The following THSD7B variants were observed in gnomAD, a reference collection of about 807,000 sequenced individuals.
THSD7B encodes thrombospondin type 1 domain containing 7B, also known as thrombospondin type-1 domain-containing protein 7B.
In THSD7B, 138 loss-of-function variants were observed where a neutral mutation model predicts 213.6. The ratio of observed to expected loss-of-function variants is 0.65; its 90% CI spans 0.56 to 0.74. The LOEUF (loss-of-function observed/expected upper bound fraction) is 0.74. Among genes scored for constraint, THSD7B ranks in the 30% least tolerant of loss-of-function variants. The pLI, the probability that THSD7B is intolerant of heterozygous loss-of-function variation, is 0.00. For synonymous variants in THSD7B, 742 were observed against 687.0 expected, an observed-to-expected ratio of 1.08 and a Z score of -1.25; for missense variants, 1,931 against 1,991.5, an observed-to-expected ratio of 0.97 and a Z score of 0.58.
chr2:137,614,289 C>A (rs1682341932), intron 17 of THSD7B, among the ~76,000 whole-genome samples: 2 of 152,120 alleles, frequency 1.3e-5, no homozygotes, highest in African/African-American at 2.4e-5. Flanking sequence ...CATCCCCATT[C>A]TTCTTTCTCA....
chr2:137,556,536 A>G (rs938136718), intron 15 of THSD7B, among the ~76,000 whole-genome samples: 1 of 152,222 alleles, frequency 6.6e-6, no homozygotes, highest in Non-Finnish European at 1.5e-5. Context: ...AGAGCTCCTG[A>G]AGAAAGCACT....
chr2:136,841,371 G>A (rs564826208), intron 1 of THSD7B, among the ~76,000 whole-genome samples: 5 of 152,002 alleles, frequency 3.3e-5, no homozygotes, highest in South Asian at 4.2e-4. Context: ...TGAGGCAGGC[G>A]GATCACAATG....
chr2:137,636,709 A>G (rs982590100), intron 20 of THSD7B, among the ~76,000 whole-genome samples: 3 of 152,204 alleles, frequency 2.0e-5, no homozygotes, highest in African/African-American at 7.2e-5. Flanking sequence ...TATTTTACAG[A>G]AAATTTATGC....
At chr2:137,135,438 G>A (rs1679419832) in intron 5 of THSD7B, among the ~76,000 whole-genome samples, 1 of 152,162 alleles carries the variant, frequency 6.6e-6, no homozygotes, top group Admixed American at 6.5e-5. Flanking sequence ...TGCAGCTCAG[G>A]AGCCCTTCTT....
At chr2:137,335,042 G>C (rs377731566) in intron 12 of THSD7B, among the ~76,000 whole-genome samples, 34 of 152,298 alleles carry the variant, frequency 2.2e-4, no homozygotes, top group African/African-American at 7.7e-4. Flanking sequence ...GGAACTATAA[G>C]TCAATTAAAG....
chr2:137,619,454 A>C (rs1327529547), intron 19 of THSD7B, among the ~76,000 whole-genome samples: 2 of 152,240 alleles, frequency 1.3e-5, no homozygotes, highest in Non-Finnish European at 2.9e-5. Flanking sequence ...TAAGAACAGA[A>C]CATCTGAAAT....
At chr2:137,096,285 A>G (rs1330213472) in intron 4 of THSD7B, among the ~76,000 whole-genome samples, 9 of 152,178 alleles carry the variant, frequency 5.9e-5, no homozygotes, top group Admixed American at 5.2e-4. Context: ...AGAAAAAAAT[A>G]GTTTTCTGTA....
chr2:137,361,225 C>T lies in THSD7B; in HGVS notation c.2501-44388C>T, dbSNP rs187059676. ...CATCCACACCAAAACCCCATCTGTA[C>T]GTCACCATCATCAAAGACCAAAGGT... On this transcript the variant is annotated intron_variant, in intron 12 of 27. Coordinates refer to ENST00000409968, the MANE Select transcript of THSD7B (RefSeq NM_001316349.2). 5.3e-3 allele frequency among the ~76,000 whole-genome samples: 804 copies of T among 152,238 alleles called. 3 individuals carry two copies. The highest frequency in any genetic ancestry group is 0.018 in the African/African-American group (759 of 41,534).
At chr2:137,538,559 T>C in intron 15 of THSD7B, 1 of 500,824 alleles carries the variant, frequency 2.0e-6, no homozygotes, top group Non-Finnish European at 3.9e-6. Context: ...TTTGATGTTT[T>C]CCTTCACAAA....
intron 12 of THSD7B, among the ~76,000 whole-genome samples, chr2:137,364,089 A>G (rs1685342998): frequency 1.3e-5 from 2 of 152,216 alleles, no homozygotes; most frequent in African/African-American, 2.4e-5. Context: ...GGTTCAACAT[A>G]CGCAAATCAA....
chr2:136,810,946 C>T (rs1201593748), intron 1 of THSD7B, among the ~76,000 whole-genome samples: 1 of 152,134 alleles, frequency 6.6e-6, no homozygotes, highest in East Asian at 1.9e-4. Flanking sequence ...GGTGGTAGAT[C>T]CTGCTGAGAG....
At chr2:136,794,228 T>C (rs1682020810) in intron 1 of THSD7B, among the ~76,000 whole-genome samples, 1 of 151,726 alleles carries the variant, frequency 6.6e-6, no homozygotes, top group Admixed American at 6.6e-5. Flanking sequence ...TATCTTACCT[T>C]TCTTATTTCC....
At chr2:137,514,803 C>G (rs945044201) in intron 15 of THSD7B, among the ~76,000 whole-genome samples, 1 of 152,102 alleles carries the variant, frequency 6.6e-6, no homozygotes, top group African/African-American at 2.4e-5. Context: ...ATTCACCACT[C>G]GTGAGAGTCA....
chr2:137,029,842 G>A (rs1453525801), intron 2 of THSD7B, among the ~76,000 whole-genome samples: 2 of 152,164 alleles, frequency 1.3e-5, no homozygotes, highest in Non-Finnish European at 2.9e-5. Context: ...TAGCACTAGT[G>A]TTCCACGGAG....
In THSD7B at chr2:137,056,725, C is replaced by T. The variant is rs1285249519; in HGVS notation, c.445C>T (p.Leu149=). 1.2e-6 allele frequency: 2 copies of T among 1,613,880 alleles called. No homozygotes were observed. Among genetic ancestry groups the T allele is most frequent in the African/African-American group, 1.3e-5 (1 of 74,932 alleles). The change falls in exon 3 of 28, where the codon CTG becomes TTG. Residue 149 remains leucine (L), a synonymous_variant. Transcript: ENST00000409968. ...QHRMVRCIQK[L]NRTVVANEIC... ...CCGGATGGTGCGCTGCATTCAGAAG[C>T]TGAACCGAACTGTGGTTGCAAATGA...
intron 2 of THSD7B, among the ~76,000 whole-genome samples, chr2:136,956,770 C>G (rs1416373949): frequency 6.6e-6 from 1 of 151,710 alleles, no homozygotes; most frequent in Non-Finnish European, 1.5e-5. Context: ...ACCTCTGCCT[C>G]CCGGGTTCAA....
chr2:137,185,743 T>G (rs2105009783), intron 7 of THSD7B, among the ~76,000 whole-genome samples: 1 of 152,330 alleles, frequency 6.6e-6, no homozygotes, highest in Admixed American at 6.5e-5. Flanking sequence ...TATTTTCCTT[T>G]GGCTATATAC....
At chr2:137,548,965 T>C (rs2197835) in intron 15 of THSD7B, among the ~76,000 whole-genome samples, 11,157 of 152,046 alleles carry the variant, frequency 0.073, 447 homozygotes, top group African/African-American at 0.089. Context: ...GCATGCATCC[T>C]AGAGAAAAGG....
At position 137,031,831 on chromosome 2, in the gene THSD7B, C is replaced by CA. The variant is rs1553465782; in HGVS notation, c.140-24589_140-24588insA. 5.8e-5 allele frequency among the ~76,000 whole-genome samples: 8 copies of CA among 137,148 alleles called. No homozygotes were observed. In the East Asian group the frequency reaches 1.7e-3, roughly 29 times the overall value. The allele number at this position is 137,148 out of a possible 152,430, so 90.0% of individuals were successfully genotyped here. A position where few individuals can be genotyped will look rare whatever the true frequency, so the allele number is the denominator to read the frequency against. On this transcript the variant is annotated intron_variant, in intron 2 of 27. Transcript: ENST00000409968. ...GCCAACCATGGCATGCTTTTCTTTC[C>CA]TTTTTTTTTTTTTTTTAGCTGGGGG...
Sources: allele counts gnomAD v4.1 joint callset (sites outside exome capture counted in the v4.1 genomes callset), GRCh38; gene constraint gnomAD v4.1.1; transcripts MANE v1.5; gene names NCBI Gene and HGNC (gene_info 2026-07-23, HGNC 2026-07-21).